Variants in SPAG6 observed in about 807,000 individuals in gnomAD.
SPAG6 encodes sperm-associated antigen 6.
A neutral mutation model predicts 58.5 loss-of-function variants in SPAG6; 49 were observed. The observed-to-expected ratio is 0.84, with a 90% confidence interval of 0.67 to 1.06. SPAG6 has a LOEUF of 1.06. SPAG6 is among the 50% of genes least tolerant of loss of function. The pLI, the probability that SPAG6 is intolerant of heterozygous loss-of-function variation, is 0.00. For synonymous variants in SPAG6, 233 were observed against 225.6 expected, an observed-to-expected ratio of 1.03 and a Z score of -0.29; for missense variants, 560 against 611.3, an observed-to-expected ratio of 0.92 and a Z score of 0.89.
intron 2 of SPAG6, among the ~76,000 whole-genome samples, chr10:22,347,406 G>A (rs1836594301): frequency 6.6e-6 from 1 of 152,152 alleles, no homozygotes; most frequent in Non-Finnish European, 1.5e-5. Flanking sequence ...TTTTAGAAGT[G>A]TATTTAAAAG....
chr10:22,402,233 T>C (rs1834431429), intron 9 of SPAG6, among the ~76,000 whole-genome samples: 2 of 151,848 alleles, frequency 1.3e-5, no homozygotes, highest in African/African-American at 2.4e-5. Context: ...AACCAAAGAG[T>C]TGTATTTAAG....
chr10:22,376,128 A>C (rs80305258), intron 4 of SPAG6, among the ~76,000 whole-genome samples: 1,711 of 152,312 alleles, frequency 0.011, 28 homozygotes, highest in African/African-American at 0.038. Context: ...TTATTTAAAA[A>C]TTTGTAGGTA....
intron 2 of SPAG6, among the ~76,000 whole-genome samples, chr10:22,358,143 C>A (rs2132038645): frequency 6.6e-6 from 1 of 152,192 alleles, no homozygotes; most frequent in Non-Finnish European, 1.5e-5. Flanking sequence ...AGTTCTAGAT[C>A]CCTGAGGAAT....
At chr10:22,415,514 G>A (rs965528293) in intron 10 of SPAG6, among the ~76,000 whole-genome samples, 5 of 152,054 alleles carry the variant, frequency 3.3e-5, no homozygotes, top group African/African-American at 1.2e-4. Context: ...AGGCTGTTAG[G>A]GGAGAAACAT....
intron 4 of SPAG6, among the ~76,000 whole-genome samples, chr10:22,376,691 C>T (rs1833822832): frequency 6.6e-6 from 1 of 151,988 alleles, no homozygotes; most frequent in Admixed American, 6.6e-5. Context: ...ATCGTGTGTC[C>T]TGGTTTTCAG....
intron 2 of SPAG6, among the ~76,000 whole-genome samples, chr10:22,355,508 C>T (rs1457401751): frequency 6.6e-6 from 1 of 152,112 alleles, no homozygotes; most frequent in Non-Finnish European, 1.5e-5. Context: ...GAATAAATTT[C>T]AAAGGAGAAA....
intron 2 of SPAG6, among the ~76,000 whole-genome samples, chr10:22,347,028 C>T (rs1836578032): frequency 6.6e-6 from 1 of 152,104 alleles, no homozygotes. Context: ...AGGTTTCCTC[C>T]TTTTAATTGT....
At chr10:22,381,528 T>A (rs935926974) in intron 4 of SPAG6, among the ~76,000 whole-genome samples, 3 of 151,214 alleles carry the variant, frequency 2.0e-5, no homozygotes, top group Non-Finnish European at 2.9e-5. Context: ...TTTTTTTTTT[T>A]AAATGTCCTC....
At chr10:22,395,791 A>G (rs188616529) in intron 8 of SPAG6, among the ~76,000 whole-genome samples, 46 of 152,348 alleles carry the variant, frequency 3.0e-4, no homozygotes, top group Admixed American at 5.2e-4. Flanking sequence ...ACCAAAGGTC[A>G]TAAAGATTTA....
At chr10:22,384,392 A>G (rs539910264) in intron 4 of SPAG6, among the ~76,000 whole-genome samples, 62 of 152,338 alleles carry the variant, frequency 4.1e-4, no homozygotes, top group Non-Finnish European at 7.6e-4. Context: ...CATAGAAACA[A>G]TAGAGGAAAC....
At chr10:22,368,143 A>AG (rs1227607443) in intron 3 of SPAG6, among the ~76,000 whole-genome samples, 10 of 152,350 alleles carry the variant, frequency 6.6e-5, no homozygotes, top group Non-Finnish European at 8.8e-5. Context: ...AGAGTTCCCA[A>AG]GGGTCAAACA....
intron 3 of SPAG6, among the ~76,000 whole-genome samples, chr10:22,368,116 C>T (rs1837248596): frequency 6.6e-6 from 1 of 152,170 alleles, no homozygotes; most frequent in South Asian, 2.1e-4. Flanking sequence ...AGCTTAGTTG[C>T]ACATGCTAAC....
intron 8 of SPAG6, among the ~76,000 whole-genome samples, chr10:22,400,475 A>G (rs114774755): frequency 0.015 from 2,334 of 152,068 alleles, 45 homozygotes; most frequent in African/African-American, 0.052. Flanking sequence ...AAGGGTCAGC[A>G]CCACCTGATG....
chr10:22,410,978 A>G (rs1052994658), intron 9 of SPAG6, 53 bp from the exon 10 acceptor site: 5 of 1,563,148 alleles, frequency 3.2e-6, no homozygotes, highest in African/African-American at 1.4e-5. Context: ...TTCAATAGTA[A>G]TAATCTAACT....
chr10:22,375,664 C>A (rs1358164460), intron 4 of SPAG6, among the ~76,000 whole-genome samples: 1 of 150,922 alleles, frequency 6.6e-6, no homozygotes, highest in Non-Finnish European at 1.5e-5. Flanking sequence ...CGGCAACTTC[C>A]CCCTCCCAGG....
At chr10:22,412,489 TTA>T (rs1834765322) in intron 10 of SPAG6, 9 of 1,530,612 alleles carry the variant, frequency 5.9e-6, no homozygotes, top group African/African-American at 2.7e-5. Context: ...TTTAGGAAGT[TTA>T]TGAGAACTCC....
intron 2 of SPAG6, among the ~76,000 whole-genome samples, chr10:22,350,107 T>G (rs890027995): frequency 2.8e-5 from 4 of 140,912 alleles, no homozygotes; most frequent in African/African-American, 1.0e-4. Context: ...TAAATTTGAC[T>G]TTTTTTTTTT....
intron 2 of SPAG6, among the ~76,000 whole-genome samples, chr10:22,364,581 T>G (rs940976313): frequency 1.3e-5 from 2 of 152,196 alleles, no homozygotes; most frequent in Non-Finnish European, 2.9e-5. Flanking sequence ...CCCTATCAGG[T>G]AATATAGACA....
At position 22,386,616 on chromosome 10, in the gene SPAG6, G is replaced by A. The variant is rs1588659177; in HGVS notation, c.473-138G>A. On this transcript the variant is annotated intron_variant, in intron 4 of 10. Coordinates refer to ENST00000376624, the MANE Select transcript of SPAG6 (RefSeq NM_012443.4). ...TCCACATGGTTTATGAAACCAGGAA[G>A]CCTGATTTGAAATGCAGATGTTGAG... 3 of 667,836 alleles carry A rather than the reference G, an allele frequency of 4.5e-6. No individual in the cohort carries two copies. The East Asian group carries it at 8.1e-5, about 18-fold the overall frequency. 41.4% of individuals were successfully genotyped at this position (667,836 alleles called of 1,614,324 possible).
Sources: allele counts gnomAD v4.1 joint callset (sites outside exome capture counted in the v4.1 genomes callset), GRCh38; gene constraint gnomAD v4.1.1; transcripts MANE v1.5; gene names NCBI Gene and HGNC (gene_info 2026-07-23, HGNC 2026-07-21).